The following SFI1 variants were observed in gnomAD, a reference collection of about 807,000 sequenced individuals.
SFI1 encodes SFI1 centrin binding protein.
In SFI1, 195 loss-of-function variants were observed where a neutral mutation model predicts 207.5. The observed-to-expected ratio is 0.94, with a 90% CI of 0.84 to 1.06. The LOEUF (loss-of-function observed/expected upper bound fraction) is 1.06, where lower values mean the gene tolerates loss of function less well. SFI1 is among the 50% of genes least tolerant of loss of function. SFI1 has a pLI of 0.00. For synonymous variants in SFI1, 630 were observed against 598.9 expected (o/e 1.05, Z -0.76); for missense variants, 1,634 against 1,588.0 (o/e 1.03, Z -0.49).
At chr22:31,539,965 C>T (rs1437913538) in intron 4 of SFI1, among the ~76,000 whole-genome samples, 1 of 150,794 alleles carries the variant, frequency 6.6e-6, no homozygotes, top group East Asian at 1.9e-4. Flanking sequence ...ATCTGCCTTA[C>T]CTCGGCCTCC....
chr22:31,571,267 C>T (rs181649279), intron 8 of SFI1, among the ~76,000 whole-genome samples: 1 of 152,246 alleles, frequency 6.6e-6, no homozygotes, highest in African/African-American at 2.4e-5. Context: ...AAGGTGGATA[C>T]TGTCTGTGTT....
chr22:31,574,679 T>G (rs2063289317), intron 9 of SFI1, among the ~76,000 whole-genome samples: 1 of 152,174 alleles, frequency 6.6e-6, no homozygotes, highest in Non-Finnish European at 1.5e-5. Context: ...AGCATCCTCC[T>G]CCCTAAAATC....
intron 19 of SFI1, 116 bp from the exon 20 acceptor site, chr22:31,604,753 A>G (rs1368386877): frequency 1.3e-5 from 12 of 910,026 alleles, no homozygotes; most frequent in Non-Finnish European, 1.5e-5. Context: ...GCCTCTTCCT[A>G]CCCTTTTTGA....
At chr22:31,550,850 A>G (rs533002772) in intron 6 of SFI1, among the ~76,000 whole-genome samples, 1 of 152,340 alleles carries the variant, frequency 6.6e-6, no homozygotes, top group Non-Finnish European at 1.5e-5. Context: ...CTAGAGTTTC[A>G]AAATGATAAT....
chr22:31,588,928 T>C (rs1035560221), intron 14 of SFI1, among the ~76,000 whole-genome samples: 5 of 152,224 alleles, frequency 3.3e-5, no homozygotes, highest in Admixed American at 6.5e-5. Context: ...TATATTCTTA[T>C]GTCCATTGTC....
chr22:31,573,208 C>A lies in SFI1; in HGVS notation c.916C>A (p.Gln306Lys), dbSNP rs377761829. 1.2e-6 allele frequency: 2 copies of A among 1,613,730 alleles called. No individual in the cohort carries two copies. The highest frequency in any genetic ancestry group is 1.7e-6 in the Non-Finnish European group (2 of 1,179,914). ...GCAAGTCCGCAGAGTGAAGAGACAGCAGAATGGTGAGTAGGAAGCTCCAGG... is the reference window on the plus strand; with the variant it reads ...GCAAGTCCGCAGAGTGAAGAGACAGAAGAATGGTGAGTAGGAAGCTCCAGG... ...YLQVRRVKRQ[Q>K]NEMAERFHHV... The change falls in exon 9 of 33, where the codon CAG (glutamine) becomes AAG (lysine). Residue 306 changes from glutamine to lysine, a missense_variant. By Grantham distance (53) the Gln-to-Lys change is moderately conservative. Coordinates refer to ENST00000400288, the MANE Select transcript of SFI1 (RefSeq NM_001007467.3).
chr22:31,611,680 G>A (rs950510442), intron 23 of SFI1, 86 bp from the exon 24 acceptor site: 1 of 1,323,964 alleles, frequency 7.6e-7, no homozygotes, highest in African/African-American at 1.4e-5. Context: ...CATTCAGCTG[G>A]GCAGAGGCTG....
intron 10 of SFI1, among the ~76,000 whole-genome samples, chr22:31,576,275 T>C (rs2145945212): frequency 6.6e-6 from 1 of 151,548 alleles, no homozygotes; most frequent in African/African-American, 2.4e-5. Context: ...TCCACCCACC[T>C]CAGCCTCCCG....
At chr22:31,550,166 C>T (rs1440508353) in intron 5 of SFI1, 88 bp from the exon 6 acceptor site, 4 of 942,778 alleles carry the variant, frequency 4.2e-6, no homozygotes, top group Middle Eastern at 2.3e-4. Context: ...TTGCCTTGGC[C>T]TCCCAAAGTG....
At position 31,561,271 on chromosome 22, in the gene SFI1, T is replaced by C; in HGVS notation, c.663-19T>C. 2 of 1,610,432 alleles carry C rather than the reference T, an allele frequency of 1.2e-6. No homozygotes were observed. The highest frequency in any genetic ancestry group is 1.7e-6 in the Non-Finnish European group (2 of 1,177,448). On this transcript the variant is annotated intron_variant, in intron 7 of 32. Transcript: ENST00000400288. ...GGCTTTTTACTGATGGATTCCATCT[T>C]TGATTTGCTGTTTCACAGGGTGTGG...
At position 31,508,318 on chromosome 22, in the gene SFI1, A is replaced by T; in HGVS notation, c.34A>T (p.Ser12Cys). 6.2e-7 allele frequency: 1 copy of T among 1,613,610 alleles called. No homozygotes were observed. The highest frequency in any genetic ancestry group is 8.5e-7 in the Non-Finnish European group (1 of 1,179,720). The change falls in exon 2 of 33, where the codon AGC becomes TGC. Residue 12 changes from serine to cysteine, a missense_variant. Coordinates refer to ENST00000400288, the MANE Select transcript of SFI1 (RefSeq NM_001007467.3). ...KNLLTEKCIS[S>C]HNFHQKVIKQ... ...TCTGCTCACTGAGAAGTGTATATCA[A>T]GCCACAATTTCCATCAAAAAGTGAT...
intron 21 of SFI1, 122 bp downstream of exon 21, chr22:31,606,552 A>G (rs2069008554): frequency 1.4e-6 from 1 of 696,874 alleles, no homozygotes; most frequent in Non-Finnish European, 2.4e-6. Flanking sequence ...AAAATGGGTA[A>G]CTTTCCTCCA....
At chr22:31,552,094 C>G (rs956163249) in intron 6 of SFI1, among the ~76,000 whole-genome samples, 1 of 152,150 alleles carries the variant, frequency 6.6e-6, no homozygotes, top group Non-Finnish European at 1.5e-5. Flanking sequence ...TGTGTACCAA[C>G]AGTTTAGCTC....
intron 5 of SFI1, 100 bp from the exon 6 acceptor site, chr22:31,550,154 C>G (rs550749510): frequency 1.3e-6 from 1 of 779,836 alleles, no homozygotes; most frequent in Non-Finnish European, 2.1e-6. Flanking sequence ...GTCTTGAACT[C>G]CTTGCCTTGG....
intron 4 of SFI1, among the ~76,000 whole-genome samples, chr22:31,544,123 A>G (rs540161663): frequency 6.6e-6 from 1 of 152,292 alleles, no homozygotes; most frequent in South Asian, 2.1e-4. Context: ...CATGAGGTGG[A>G]GATTACAGTG....
intron 15 of SFI1, among the ~76,000 whole-genome samples, chr22:31,593,109 G>A (rs1441304557): frequency 6.8e-6 from 1 of 146,346 alleles, no homozygotes; most frequent in African/African-American, 2.5e-5. Flanking sequence ...CCTCCCGGAT[G>A]GGGCGGCTGG....
chr22:31,533,745 G>T (rs1406332379), intron 4 of SFI1, among the ~76,000 whole-genome samples: 2 of 152,040 alleles, frequency 1.3e-5, no homozygotes, highest in African/African-American at 4.8e-5. Flanking sequence ...TCACTGCCTT[G>T]GTAGCTCTTC....
chr22:31,545,887 T>TC (rs1209828966), intron 4 of SFI1, among the ~76,000 whole-genome samples: 1 of 147,590 alleles, frequency 6.8e-6, no homozygotes, highest in East Asian at 2.0e-4. Context: ...CTTTTTTTTT[T>TC]TTTTTTTTTT....
At chr22:31,583,784 C>T (rs2064659028) in intron 12 of SFI1, 91 bp from the exon 13 acceptor site, 8 of 1,136,200 alleles carry the variant, frequency 7.0e-6, no homozygotes, top group South Asian at 6.2e-5. Context: ...GTCATTTCTG[C>T]TTTGGGGGAG....
Sources: allele counts gnomAD v4.1 joint callset (sites outside exome capture counted in the v4.1 genomes callset), GRCh38; gene constraint gnomAD v4.1.1; transcripts MANE v1.5; gene names NCBI Gene and HGNC (gene_info 2026-07-23, HGNC 2026-07-21).